The following PRICKLE2 variants were observed in gnomAD, a reference collection of about 807,000 sequenced individuals.
PRICKLE2 encodes the protein prickle planar cell polarity protein 2.
Under a neutral mutation model 81.4 loss-of-function variants are expected in PRICKLE2, and 21 were observed. The ratio of observed to expected loss-of-function variants is 0.26; its 90% confidence interval spans 0.18 to 0.37. The LOEUF (loss-of-function observed/expected upper bound fraction) is 0.37, where lower values mean the gene tolerates loss of function less well. Among genes scored for constraint, PRICKLE2 ranks in the 10% least tolerant of loss-of-function variants. The probability of loss-of-function intolerance (pLI) is 1.00; values close to 1 mark genes in which losing one functional copy is unlikely to be tolerated. For synonymous variants in PRICKLE2, 456 were observed against 421.5 expected (o/e 1.08, Z -1.00); for missense variants, 940 against 1,109.0 (o/e 0.85, Z 2.16).
intron 2 of PRICKLE2, among the ~76,000 whole-genome samples, chr3:64,179,231 C>A (rs897206596): frequency 1.3e-5 from 2 of 151,930 alleles, no homozygotes; most frequent in Admixed American, 6.6e-5. Context: ...CATGTACCAC[C>A]ATGCCTGGCT....
At chr3:64,241,287 G>A (rs1458212270) in intron 2 of PRICKLE2, among the ~76,000 whole-genome samples, 1 of 152,178 alleles carries the variant, frequency 6.6e-6, no homozygotes, top group Non-Finnish European at 1.5e-5. Flanking sequence ...ACCAGCTGGA[G>A]CTGACTGATA....
chr3:64,115,666 G>T (rs2076922509), intron 7 of PRICKLE2, among the ~76,000 whole-genome samples: 3 of 152,160 alleles, frequency 2.0e-5, no homozygotes, highest in African/African-American at 7.2e-5. Flanking sequence ...AAATATATAT[G>T]TTCCCAACAC....
chr3:64,167,866 T>C (rs1376012198), intron 2 of PRICKLE2, among the ~76,000 whole-genome samples: 1 of 152,242 alleles, frequency 6.6e-6, no homozygotes, highest in African/African-American at 2.4e-5. Context: ...TTTGCATTTC[T>C]GACTCCTCTT....
At chr3:64,214,302 G>C (rs965978567) in intron 1 of PRICKLE2, among the ~76,000 whole-genome samples, 2 of 152,194 alleles carry the variant, frequency 1.3e-5, no homozygotes, top group Non-Finnish European at 2.9e-5. Flanking sequence ...GACGACCCCA[G>C]TGGACTTGCG....
intron 7 of PRICKLE2, among the ~76,000 whole-genome samples, chr3:64,113,362 C>G: frequency 6.6e-6 from 1 of 152,096 alleles, no homozygotes; most frequent in South Asian, 2.1e-4. Flanking sequence ...ACCTGTGCAC[C>G]CCTTAGTCTG....
intron 1 of PRICKLE2, among the ~76,000 whole-genome samples, chr3:64,217,129 G>A (rs1029498950): frequency 3.9e-5 from 6 of 152,122 alleles, no homozygotes; most frequent in Non-Finnish European, 7.3e-5. Context: ...ACTGCCAGGA[G>A]GATGCCTACA....
chr3:64,260,132 C>G (rs915281973), intron 2 of PRICKLE2, among the ~76,000 whole-genome samples: 3 of 152,162 alleles, frequency 2.0e-5, no homozygotes, highest in Non-Finnish European at 4.4e-5. Context: ...CCTTATGAAT[C>G]TTTGAGAAGG....
In PRICKLE2 at chr3:64,104,996, G is replaced by A. The variant is rs191914441; in HGVS notation, c.1661-5071C>T. On this transcript the variant is annotated intron_variant, in intron 7 of 7. Coordinates refer to ENST00000638394, the MANE Select transcript of PRICKLE2 (RefSeq NM_198859.4). ...CCTTACGCAGACCTTAAGGCCCTAC[G>A]TGACTTGGCTCTCTTCTCTTTCTCC... 1.9e-4 allele frequency among the ~76,000 whole-genome samples: 29 copies of A among 152,238 alleles called. No individual in the cohort carries two copies. In the East Asian group the frequency reaches 2.3e-3, roughly 12 times the overall value.
At chr3:64,242,446 G>A (rs1193099888) in intron 2 of PRICKLE2, among the ~76,000 whole-genome samples, 1 of 152,082 alleles carries the variant, frequency 6.6e-6, no homozygotes, top group African/African-American at 2.4e-5. Flanking sequence ...CCTAGAAAAG[G>A]TATTTTAAAA....
chr3:64,127,828 C>A (rs947787733), intron 7 of PRICKLE2, among the ~76,000 whole-genome samples: 2 of 151,938 alleles, frequency 1.3e-5, no homozygotes, highest in African/African-American at 4.8e-5. Flanking sequence ...CTTGTCTTCT[C>A]TCTCTTGGTC....
intron 2 of PRICKLE2, among the ~76,000 whole-genome samples, chr3:64,230,781 G>A (rs887135219): frequency 6.6e-6 from 1 of 152,150 alleles, no homozygotes; most frequent in Non-Finnish European, 1.5e-5. Flanking sequence ...CTTTATCAAA[G>A]GCTTCGGTAA....
intron 6 of PRICKLE2, among the ~76,000 whole-genome samples, chr3:64,148,402 C>T (rs573311605): frequency 3.9e-4 from 60 of 152,306 alleles, no homozygotes; most frequent in Admixed American, 3.3e-3. Context: ...CTCTCCCCCG[C>T]TAAAAGTGAA....
intron 2 of PRICKLE2, among the ~76,000 whole-genome samples, chr3:64,172,447 T>G (rs1000294595): frequency 6.6e-6 from 1 of 152,246 alleles, no homozygotes; most frequent in Non-Finnish European, 1.5e-5. Context: ...TCAGATTGTT[T>G]GGGTTCCAAT....
chr3:64,252,028 G>T (rs1045617818), intron 2 of PRICKLE2, among the ~76,000 whole-genome samples: 1 of 152,066 alleles, frequency 6.6e-6, no homozygotes, highest in African/African-American at 2.4e-5. Flanking sequence ...CTTCCTATGG[G>T]TGAATTCACA....
chr3:64,205,080 G>T (rs2078658821), intron 1 of PRICKLE2, among the ~76,000 whole-genome samples: 1 of 142,600 alleles, frequency 7.0e-6, no homozygotes, highest in Admixed American at 7.3e-5. Context: ...AATAGAACCT[G>T]CTAGCAAAGC....
intron 2 of PRICKLE2, among the ~76,000 whole-genome samples, chr3:64,235,834 C>G (rs1487546630): frequency 6.6e-6 from 1 of 152,152 alleles, no homozygotes; most frequent in East Asian, 1.9e-4. Flanking sequence ...AGTGTGAAAG[C>G]ATAGCCCGAG....
intron 1 of PRICKLE2, among the ~76,000 whole-genome samples, chr3:64,207,444 G>C (rs549075976): frequency 1.3e-5 from 2 of 152,194 alleles, no homozygotes; most frequent in Admixed American, 6.5e-5. Flanking sequence ...TAAGAAACTG[G>C]AGACCAGACT....
At chr3:64,155,696 C>T (rs893540507) in intron 5 of PRICKLE2, among the ~76,000 whole-genome samples, 8 of 152,032 alleles carry the variant, frequency 5.3e-5, no homozygotes, top group African/African-American at 1.7e-4. Flanking sequence ...TATTCAGCCA[C>T]GAGAAGGAAT....
intron 2 of PRICKLE2, among the ~76,000 whole-genome samples, chr3:64,171,417 C>T (rs555852812): frequency 6.6e-6 from 1 of 152,228 alleles, no homozygotes; most frequent in Non-Finnish European, 1.5e-5. Context: ...TCAGCCCCAA[C>T]AGCAAAAGAT....
Sources: gnomAD v4.1 joint callset for allele counts (sites outside exome capture counted in the v4.1 genomes callset) on GRCh38, gnomAD v4.1.1 for gene constraint, MANE v1.5 for transcripts, NCBI Gene and HGNC (gene_info 2026-07-23, HGNC 2026-07-21) for gene names.